The following CMPK1 variants were observed in gnomAD, a reference collection of about 807,000 sequenced individuals.
CMPK1 encodes UMP-CMP kinase.
CMPK1 carries 10 observed loss-of-function variants against 25.7 expected under a neutral mutation model. The ratio of observed to expected loss-of-function variants is 0.39; its 90% CI spans 0.24 to 0.66. The LOEUF is 0.66. Among genes scored for constraint, CMPK1 ranks in the 30% least tolerant of loss-of-function variants. The pLI is 0.48. For synonymous variants in CMPK1, 106 were observed against 101.5 expected, an observed-to-expected ratio of 1.04 and a Z score of -0.27; for missense variants, 199 against 280.5, an observed-to-expected ratio of 0.71 and a Z score of 2.08.
At chr1:47,338,233 A>C (rs1646413378) in intron 1 of CMPK1, among the ~76,000 whole-genome samples, 1 of 152,188 alleles carries the variant, frequency 6.6e-6, no homozygotes, top group Non-Finnish European at 1.5e-5. Context: ...AGAAAAAGAG[A>C]AAACCAAAAA....
At chr1:47,350,042 G>A (rs1405344292) in intron 1 of CMPK1, among the ~76,000 whole-genome samples, 1 of 152,170 alleles carries the variant, frequency 6.6e-6, no homozygotes. Flanking sequence ...CTGACCTCAA[G>A]TGATCCGCCC....
At position 47,333,999 on chromosome 1, in the gene CMPK1, G is replaced by C; in HGVS notation, c.54G>C (p.Leu18=). 1 of 1,543,286 alleles carries C rather than the reference G, an allele frequency of 6.5e-7. No individual in the cohort carries two copies. Among genetic ancestry groups the C allele is most frequent in the East Asian group, 2.5e-5 (1 of 39,464 alleles). The part of the protein sequence containing the change: ...GLLHVLGLSF[L]LQTRRPILLC... ...TCCACGTCCTGGGCCTTAGCTTCCT[G>C]CTGCAGACCCGCCGGCCGATTCTCC... Residue 18 remains leucine, a synonymous_variant, in exon 1 of 6, where the codon CTG becomes CTC. Transcript: ENST00000371873.
At chr1:47,352,285 T>G (rs1646528113) in intron 1 of CMPK1, among the ~76,000 whole-genome samples, 1 of 152,232 alleles carries the variant, frequency 6.6e-6, no homozygotes, top group South Asian at 2.1e-4. Flanking sequence ...GTGGGCTGTC[T>G]TTTATTTTCT....
intron 1 of CMPK1, among the ~76,000 whole-genome samples, chr1:47,357,750 G>T (rs1194175506): frequency 6.6e-6 from 1 of 152,072 alleles, no homozygotes; most frequent in Admixed American, 6.6e-5. Context: ...CTCCCAAAGT[G>T]CTGGGGTTAA....
At chr1:47,346,088 C>T (rs1303864390) in intron 1 of CMPK1, among the ~76,000 whole-genome samples, 1 of 144,118 alleles carries the variant, frequency 6.9e-6, no homozygotes, top group Admixed American at 6.9e-5. Context: ...CTCACTCTGT[C>T]ACCCAGGCTG....
chr1:47,352,991 A>G lies in CMPK1; in HGVS notation c.172-15478A>G, dbSNP rs188134569. Among the ~76,000 whole-genome samples the G allele has an allele frequency of 2.2e-3, 333 of 152,336 alleles. 1 individual carries two copies. Among genetic ancestry groups the G allele is most frequent in the Non-Finnish European group, 4.0e-3 (273 of 68,020 alleles). On this transcript the variant is annotated intron_variant, in intron 1 of 5. Coordinates refer to ENST00000371873, the MANE Select transcript of CMPK1 (RefSeq NM_016308.3). ...TTCAAGCCAAATGATGATTTCTCTC[A>G]CACTTCTATTAGCACAGGTTATTGG...
chr1:47,358,640 C>G (rs893713866), intron 1 of CMPK1: 2 of 992,904 alleles, frequency 2.0e-6, no homozygotes, highest in African/African-American at 3.5e-5. Flanking sequence ...GTTATAAAAC[C>G]TTAAGCACTC....
rs146649247 is a variant in CMPK1, at chr1:47,374,172, C to T, written c.472-737C>T. 8.0e-3 allele frequency among the ~76,000 whole-genome samples: 1,212 copies of T among 152,302 alleles called. 13 individuals carry two copies. Among genetic ancestry groups the T allele is most frequent in the African/African-American group, 0.027 (1,137 of 41,568 alleles). Reference sequence around the variant, plus strand: ...TCCCAGGTTCAAGCAGTTCTCCTGCCTCAGCCTCCCAAGTAGCTGGGATTA... The same window carrying T: ...TCCCAGGTTCAAGCAGTTCTCCTGCTTCAGCCTCCCAAGTAGCTGGGATTA... On this transcript the variant is annotated intron_variant, in intron 3 of 5. Coordinates refer to ENST00000371873, the MANE Select transcript of CMPK1 (RefSeq NM_016308.3).
chr1:47,378,239 A>G lies in CMPK1; in HGVS notation c.*1494A>G, dbSNP rs1440177832. 6.6e-6 allele frequency: 1 copy of G among 152,184 alleles called. No individual in the cohort carries two copies. The highest frequency in any genetic ancestry group is 6.6e-5 in the Admixed American group (1 of 15,256). 9.4% of individuals were successfully genotyped at this position (152,184 alleles called of 1,614,324 possible). ...AAAACAAAGTATTGCTAAGTACTAT[A>G]ACATATTGGCCACTAAAATTCATAT... On this transcript the variant is annotated 3_prime_UTR_variant, in exon 6 of 6. Transcript: ENST00000371873.
At position 47,365,125 on chromosome 1, in the gene CMPK1, A is replaced by G. The variant is rs1003783450; in HGVS notation, c.172-3344A>G. Among the ~76,000 whole-genome samples the G allele has an allele frequency of 1.4e-4, 22 of 152,256 alleles. No individual in the cohort carries two copies. The East Asian group carries it at 2.7e-3, about 19-fold the overall frequency. On this transcript the variant is annotated intron_variant, in intron 1 of 5. Coordinates refer to ENST00000371873, the MANE Select transcript of CMPK1 (RefSeq NM_016308.3). The stretch of plus-strand genomic sequence containing the variant: ...TACATTTGTATTTAATATCTCTGCT[A>G]TGTTCCCTCTATAATGCAAGAGAAG...
chr1:47,358,679 A>T, intron 1 of CMPK1: 1 of 985,814 alleles, frequency 1.0e-6, no homozygotes, highest in East Asian at 1.1e-4. Flanking sequence ...GTGTGATTTC[A>T]TGTAAGGTTC....
rs773868743 is a variant in CMPK1, at chr1:47,374,897, A to G, written c.472-12A>G. The G allele has an allele frequency of 6.3e-6, 10 of 1,587,410 alleles. No individual in the cohort carries two copies. Among genetic ancestry groups the G allele is most frequent in the Non-Finnish European group, 8.6e-6 (10 of 1,158,402 alleles). ...ATATCTATATTTTTAATAACTTTGTATCTCTTTTTAGATTTGTATTGAACG... is the reference window on the plus strand; with the variant it reads ...ATATCTATATTTTTAATAACTTTGTGTCTCTTTTTAGATTTGTATTGAACG... On this transcript the variant is annotated splice_polypyrimidine_tract_variant and intron_variant, in intron 3 of 5. Coordinates refer to ENST00000371873, the MANE Select transcript of CMPK1 (RefSeq NM_016308.3).
intron 1 of CMPK1, among the ~76,000 whole-genome samples, chr1:47,360,606 A>G (rs975594791): frequency 5.3e-5 from 8 of 152,194 alleles, no homozygotes; most frequent in Admixed American, 5.2e-4. Context: ...AAATATGGAG[A>G]ATTACTTTTA....
chr1:47,369,597 C>G (rs1399201223), intron 2 of CMPK1, among the ~76,000 whole-genome samples: 2 of 151,570 alleles, frequency 1.3e-5, no homozygotes, highest in African/African-American at 2.4e-5. Context: ...GAGTCTCGCT[C>G]TGTCGCCAGG....
At chr1:47,362,134 T>G (rs1359919276) in intron 1 of CMPK1, among the ~76,000 whole-genome samples, 1 of 150,676 alleles carries the variant, frequency 6.6e-6, no homozygotes, top group African/African-American at 2.4e-5. Flanking sequence ...CCTCCCAAAT[T>G]GTTGGGATTA....
At chr1:47,341,673 C>T (rs972320266) in intron 1 of CMPK1, among the ~76,000 whole-genome samples, 1 of 152,050 alleles carries the variant, frequency 6.6e-6, no homozygotes, top group Non-Finnish European at 1.5e-5. Context: ...GAGTCTTGCT[C>T]TGTCGCCCAG....
chr1:47,375,765 T>A (rs536108749), intron 5 of CMPK1, among the ~76,000 whole-genome samples: 5 of 152,348 alleles, frequency 3.3e-5, no homozygotes, highest in Admixed American at 6.5e-5. Context: ...AAGGTTTCCA[T>A]GACTTATCAC....
rs866831132 is a variant in CMPK1, at chr1:47,334,057, G to T, written c.112G>T (p.Val38Leu). 1.3e-6 allele frequency: 2 copies of T among 1,549,448 alleles called. No individual in the cohort carries two copies. Among genetic ancestry groups the T allele is most frequent in the East Asian group, 2.5e-5 (1 of 40,780 alleles). Residue 38 changes from valine to leucine, a missense_variant, in exon 1 of 6, where the codon GTG becomes TTG. This residue lies in a region of CMPK1 where 140 missense variants were observed against 235.5 expected (regional missense o/e 0.59). Coordinates refer to ENST00000371873, the MANE Select transcript of CMPK1 (RefSeq NM_016308.3). ...TCCACGTCTCATGAAGCCGCTGGTC[G>T]TGTTCGTCCTCGGCGGCCCCGGCGC... ...CSPRLMKPLVVFVLGGPGAGK... is the reference protein window; with the variant it reads ...CSPRLMKPLVLFVLGGPGAGK...
At chr1:47,334,148 G>T in intron 1 of CMPK1, 32 bp downstream of exon 1, 1 of 1,450,256 alleles carries the variant, frequency 6.9e-7, no homozygotes. Flanking sequence ...GGCTCCTTGG[G>T]GCTTGACGGG....
Sources: gnomAD v4.1 joint callset for allele counts (sites outside exome capture counted in the v4.1 genomes callset) on GRCh38, gnomAD v4.1.1 for gene constraint, gnomAD v4.1.1 regional missense constraint, MANE v1.5 for transcripts, NCBI Gene and HGNC (gene_info 2026-07-23, HGNC 2026-07-21) for gene names.